The following ZDHHC14 variants were observed in gnomAD, a reference collection of about 807,000 sequenced individuals.
ZDHHC14 encodes zDHHC palmitoyltransferase 14.
ZDHHC14 carries 16 observed loss-of-function variants against 47.7 expected under a neutral mutation model. The ratio of observed to expected loss-of-function variants is 0.34; its 90% CI spans 0.23 to 0.51. The LOEUF (loss-of-function observed/expected upper bound fraction) is 0.51. Ranked by LOEUF, ZDHHC14 falls within the 20% of genes least tolerant of loss-of-function variation. The pLI is 0.97. For synonymous variants in ZDHHC14, 293 were observed against 278.9 expected (o/e 1.05, Z -0.50); for missense variants, 515 against 662.5 (o/e 0.78, Z 2.44).
intron 1 of ZDHHC14, among the ~76,000 whole-genome samples, chr6:157,532,519 G>A (rs750397385): frequency 3.9e-5 from 6 of 152,152 alleles, no homozygotes; most frequent in African/African-American, 9.7e-5. Flanking sequence ...CTGAGATTCC[G>A]GATCTCCAGG....
At chr6:157,394,914 G>A (rs937948581) in intron 1 of ZDHHC14, among the ~76,000 whole-genome samples, 3 of 151,834 alleles carry the variant, frequency 2.0e-5, no homozygotes, top group African/African-American at 4.8e-5. Flanking sequence ...AAAAATGATG[G>A]TAAATTCAGA....
intron 1 of ZDHHC14, among the ~76,000 whole-genome samples, chr6:157,515,418 A>G (rs1780648571): frequency 6.6e-6 from 1 of 151,082 alleles, no homozygotes; most frequent in South Asian, 2.1e-4. Context: ...ACACACAACG[A>G]ACTGGGCGCA....
At chr6:157,604,552 C>CT (rs10533378) in intron 3 of ZDHHC14, among the ~76,000 whole-genome samples, 6,181 of 148,036 alleles carry the variant, frequency 0.042, 174 homozygotes, top group Non-Finnish European at 0.063. Flanking sequence ...ATTTGTTACT[C>CT]TTTTTTTTTT....
chr6:157,575,482 A>G (rs1374961117), intron 2 of ZDHHC14, among the ~76,000 whole-genome samples: 1 of 152,002 alleles, frequency 6.6e-6, no homozygotes, highest in African/African-American at 2.4e-5. Flanking sequence ...TCCCGCTTAC[A>G]CTGTGCTCTG....
chr6:157,418,397 G>C (rs534861291), intron 1 of ZDHHC14, among the ~76,000 whole-genome samples: 1 of 152,352 alleles, frequency 6.6e-6, no homozygotes, highest in East Asian at 1.9e-4. Flanking sequence ...CATGAACGAG[G>C]GTTAAGCAGT....
At chr6:157,622,397 T>C (rs1785233135) in intron 3 of ZDHHC14, among the ~76,000 whole-genome samples, 1 of 152,064 alleles carries the variant, frequency 6.6e-6, no homozygotes. Flanking sequence ...TTTCAAAATA[T>C]AAATAAATAA....
intron 3 of ZDHHC14, among the ~76,000 whole-genome samples, chr6:157,598,916 A>G (rs1315339223): frequency 6.6e-6 from 1 of 152,240 alleles, no homozygotes; most frequent in Non-Finnish European, 1.5e-5. Flanking sequence ...TCATCTGATG[A>G]AACAATAAAA....
chr6:157,545,504 G>A (rs188870127), intron 2 of ZDHHC14, among the ~76,000 whole-genome samples: 1,604 of 151,974 alleles, frequency 0.011, 18 homozygotes, highest in Non-Finnish European at 0.018. Context: ...GTGAAACCCC[G>A]TCTCTACTAA....
chr6:157,446,935 A>C (rs955058438), intron 1 of ZDHHC14, among the ~76,000 whole-genome samples: 1 of 151,930 alleles, frequency 6.6e-6, no homozygotes, highest in Non-Finnish European at 1.5e-5. Context: ...CCTGGCCAAC[A>C]TGGTGAAACC....
chr6:157,647,382 C>A lies in ZDHHC14; in HGVS notation c.965+14C>A. ...CATCTCACCAAGGTAAGACTCAGGA[C>A]GCATCGTGCTCTTCAACAGACCTTG... On this transcript the variant is annotated intron_variant, in intron 7 of 8. Coordinates refer to ENST00000359775, the MANE Select transcript of ZDHHC14 (RefSeq NM_024630.3). The A allele has an allele frequency of 6.3e-7, 1 of 1,597,418 alleles. No homozygotes were observed. The highest frequency in any genetic ancestry group is 8.6e-7 in the Non-Finnish European group (1 of 1,167,784).
chr6:157,600,419 G>A (rs1408596451), intron 3 of ZDHHC14, among the ~76,000 whole-genome samples: 2 of 152,088 alleles, frequency 1.3e-5, no homozygotes, highest in Admixed American at 6.6e-5. Flanking sequence ...GATAAAATGC[G>A]ACATTTGTTT....
intron 1 of ZDHHC14, among the ~76,000 whole-genome samples, chr6:157,443,124 G>A (rs970659009): frequency 1.3e-5 from 2 of 152,154 alleles, no homozygotes; most frequent in African/African-American, 2.4e-5. Context: ...CCCCCATGTT[G>A]TTCTCATGAT....
chr6:157,431,141 C>T (rs1024406592), intron 1 of ZDHHC14, among the ~76,000 whole-genome samples: 4 of 152,228 alleles, frequency 2.6e-5, no homozygotes, highest in Non-Finnish European at 5.9e-5. Context: ...TTACATCAGG[C>T]TCTGTGCAAT....
In ZDHHC14 at chr6:157,597,782, C is replaced by T. The variant is rs146575711; in HGVS notation, c.565+4636C>T. On this transcript the variant is annotated intron_variant, in intron 3 of 8. Coordinates refer to ENST00000359775, the MANE Select transcript of ZDHHC14 (RefSeq NM_024630.3). ...GGCCATGCCAGCCCCTGGGGGGCACCGAGCAGACCAGCCTCCTCCCACATC... is the reference window on the plus strand; with the variant it reads ...GGCCATGCCAGCCCCTGGGGGGCACTGAGCAGACCAGCCTCCTCCCACATC... Among the ~76,000 whole-genome samples, 1,232 of 152,326 alleles carry T rather than the reference C, an allele frequency of 8.1e-3. 14 individuals carry two copies. The highest frequency in any genetic ancestry group is 0.028 in the African/African-American group (1,182 of 41,570).
At chr6:157,496,727 T>G (rs1238677188) in intron 1 of ZDHHC14, among the ~76,000 whole-genome samples, 1 of 152,168 alleles carries the variant, frequency 6.6e-6, no homozygotes, top group Non-Finnish European at 1.5e-5. Flanking sequence ...GCCACCACCT[T>G]AAATTTGGAC....
intron 1 of ZDHHC14, among the ~76,000 whole-genome samples, chr6:157,529,811 T>C (rs535417086): frequency 2.6e-5 from 4 of 152,306 alleles, no homozygotes; most frequent in Admixed American, 2.0e-4. Context: ...TGTGGTACAA[T>C]TGAGAGACCA....
chr6:157,551,658 G>A (rs919521058), intron 2 of ZDHHC14, among the ~76,000 whole-genome samples: 23 of 152,108 alleles, frequency 1.5e-4, no homozygotes, highest in African/African-American at 4.3e-4. Context: ...GCCTTTCCAC[G>A]TCCCTCCTGT....
intron 8 of ZDHHC14, among the ~76,000 whole-genome samples, chr6:157,655,824 CT>C (rs938709757): frequency 9.2e-5 from 14 of 152,192 alleles, no homozygotes; most frequent in African/African-American, 3.4e-4. Flanking sequence ...GACTTATGTT[CT>C]TCTTACCCTG....
chr6:157,593,912 A>G lies in ZDHHC14; in HGVS notation c.565+766A>G, dbSNP rs540019102. On this transcript the variant is annotated intron_variant, in intron 3 of 8. Transcript: ENST00000359775. Reference sequence around the variant, plus strand: ...TGGCAAGGAGATGGCAGAACACCCAAGTGACAGGAAGGGAAGCAAGGAGAG... The same window carrying G: ...TGGCAAGGAGATGGCAGAACACCCAGGTGACAGGAAGGGAAGCAAGGAGAG... Among the ~76,000 whole-genome samples, 99 of 152,332 alleles carry G rather than the reference A, an allele frequency of 6.5e-4. No homozygotes were observed. In the Middle Eastern group the frequency reaches 0.01, roughly 16 times the overall value.
Sources: gnomAD v4.1 joint callset for allele counts (sites outside exome capture counted in the v4.1 genomes callset) on GRCh38, gnomAD v4.1.1 for gene constraint, MANE v1.5 for transcripts, NCBI Gene and HGNC (gene_info 2026-07-23, HGNC 2026-07-21) for gene names.